RAPGEF5: variants seen among roughly 807,000 people sequenced by gnomAD.
RAPGEF5 encodes M-Ras-regulated GEF.
In RAPGEF5, 65 loss-of-function variants were observed where a neutral mutation model predicts 125.2. The observed-to-expected ratio is 0.52, with a 90% CI of 0.43 to 0.64. The LOEUF is 0.64. Ranked by LOEUF, RAPGEF5 falls within the 30% of genes least tolerant of loss-of-function variation. The probability of loss-of-function intolerance (pLI) is 0.00; values close to 1 mark genes in which losing one functional copy is unlikely to be tolerated. For synonymous variants in RAPGEF5, 391 were observed against 385.9 expected (o/e 1.01, Z -0.16); for missense variants, 958 against 1,048.1 (o/e 0.91, Z 1.19).
At chr7:22,201,057 T>C (rs991239505) in intron 9 of RAPGEF5, among the ~76,000 whole-genome samples, 1 of 151,938 alleles carries the variant, frequency 6.6e-6, no homozygotes, top group African/African-American at 2.4e-5. Context: ...TGAGCAAAAA[T>C]GGTGAGAGAT....
intron 2 of RAPGEF5, 95 bp from the exon 3 acceptor site, chr7:22,315,571 A>T (rs1783572497): frequency 3.2e-6 from 2 of 618,424 alleles, no homozygotes; most frequent in Non-Finnish European, 4.1e-6. Context: ...ATATATATTT[A>T]TATATATTCA....
chr7:22,184,354 TC>T (rs1235834641), intron 11 of RAPGEF5, among the ~76,000 whole-genome samples: 1 of 152,222 alleles, frequency 6.6e-6, no homozygotes, highest in Non-Finnish European at 1.5e-5. Flanking sequence ...AATAAACTAC[TC>T]TACATTTTTC....
Position 22,150,389 on chromosome 7 carries a change from A to G in RAPGEF5, c.1884+18T>C, listed in dbSNP as rs1245866902. On this transcript the variant is annotated intron_variant, in intron 18 of 25. Coordinates refer to ENST00000665637, the MANE Select transcript of RAPGEF5 (RefSeq NM_012294.5). ...CGCCTGGCCTGTTTGTTTCAAATACAAGGCTGAAGGTCCTTACCAAAGTGT... is the reference window on the plus strand; with the variant it reads ...CGCCTGGCCTGTTTGTTTCAAATACGAGGCTGAAGGTCCTTACCAAAGTGT... 2 of 1,597,908 alleles carry G rather than the reference A, an allele frequency of 1.3e-6. No homozygotes were observed. The highest frequency in any genetic ancestry group is 1.7e-6 in the Non-Finnish European group (2 of 1,174,284).
chr7:22,240,922 C>T (rs534138513), intron 7 of RAPGEF5, among the ~76,000 whole-genome samples: 3 of 152,230 alleles, frequency 2.0e-5, no homozygotes, highest in East Asian at 1.9e-4. Context: ...TGTGTCAGTA[C>T]AAAGCTCTGT....
chr7:22,316,460 C>CATAT (rs757768702), intron 2 of RAPGEF5, among the ~76,000 whole-genome samples: 12 of 92,724 alleles, frequency 1.3e-4, no homozygotes, highest in African/African-American at 2.3e-4. Context: ...TATACATAGA[C>CATAT]ATATATATAT....
At chr7:22,285,019 G>A (rs932792898) in intron 6 of RAPGEF5, among the ~76,000 whole-genome samples, 1 of 152,054 alleles carries the variant, frequency 6.6e-6, no homozygotes, top group Non-Finnish European at 1.5e-5. Flanking sequence ...TCTTAGTTTA[G>A]CCTAGCCTGC....
rs1171178667 is a variant in RAPGEF5, at chr7:22,350,108, A to G, written c.231+6722T>C. Among the ~76,000 whole-genome samples the G allele has an allele frequency of 2.0e-5, 3 of 152,346 alleles. No individual in the cohort carries two copies. In the East Asian group the frequency reaches 5.8e-4, roughly 29 times the overall value. ...AAGTACTTCCAGATCATATATCATT[A>G]CTGGAATTATCTATACTCCTAACAA... is the stretch of plus-strand genomic sequence containing the variant. On this transcript the variant is annotated intron_variant, in intron 1 of 25. Transcript: ENST00000665637.
At position 22,121,138 on chromosome 7, in the gene RAPGEF5, TC is replaced by T. The variant is rs2128095379; in HGVS notation, c.*1267del. On this transcript the variant is annotated 3_prime_UTR_variant, in exon 26 of 26. Coordinates refer to ENST00000665637, the MANE Select transcript of RAPGEF5 (RefSeq NM_012294.5). Reference sequence around the variant, plus strand: ...AGGTTGAAAGAAATCCTCTAACCAGTCCTTGAAAATATCAAGAGGTCTTATT... The same window carrying T: ...AGGTTGAAAGAAATCCTCTAACCAGTCTTGAAAATATCAAGAGGTCTTATT... The T allele has an allele frequency of 6.6e-6, 1 of 150,658 alleles. No individual in the cohort carries two copies. The highest frequency in any genetic ancestry group is 2.0e-4 in the East Asian group (1 of 5,098). The allele number at this position is 150,658 out of a possible 1,614,324, so 9.3% of individuals were successfully genotyped here.
chr7:22,254,017 T>C (rs960009955), intron 7 of RAPGEF5, among the ~76,000 whole-genome samples: 4 of 152,224 alleles, frequency 2.6e-5, no homozygotes, highest in African/African-American at 9.6e-5. Context: ...TTATTTATAC[T>C]GTTAAAAATA....
intron 1 of RAPGEF5, among the ~76,000 whole-genome samples, chr7:22,326,695 A>T (rs1414254525): frequency 6.6e-6 from 1 of 152,240 alleles, no homozygotes; most frequent in East Asian, 1.9e-4. Flanking sequence ...CATAAAAGCA[A>T]GAAATGGTAG....
chr7:22,140,618 C>T (rs559985712), intron 20 of RAPGEF5, among the ~76,000 whole-genome samples: 62 of 152,198 alleles, frequency 4.1e-4, no homozygotes, highest in African/African-American at 1.4e-3. Flanking sequence ...ATTTTAAATA[C>T]GGCATATATT....
chr7:22,272,379 A>T, intron 6 of RAPGEF5, among the ~76,000 whole-genome samples: 1 of 149,554 alleles, frequency 6.7e-6, no homozygotes, highest in Non-Finnish European at 1.5e-5. Flanking sequence ...AAAAAAAAGA[A>T]AAAAAAATCA....
In RAPGEF5 at chr7:22,350,266, A is replaced by C. The variant is rs138684045; in HGVS notation, c.231+6564T>G. Among the ~76,000 whole-genome samples the C allele has an allele frequency of 7.2e-5, 11 of 152,352 alleles. No homozygotes were observed. The East Asian group carries it at 2.1e-3, about 29-fold the overall frequency. Reference sequence around the variant, plus strand: ...TTACTGCCACATCAACTTAAGAGAAAGTGCAAGTATGAAATGAAGCCTATT... The same window carrying C: ...TTACTGCCACATCAACTTAAGAGAACGTGCAAGTATGAAATGAAGCCTATT... On this transcript the variant is annotated intron_variant, in intron 1 of 25. Transcript: ENST00000665637.
At chr7:22,136,821 G>T (rs1783092458) in intron 22 of RAPGEF5, 112 bp downstream of exon 22, 11 of 940,264 alleles carry the variant, frequency 1.2e-5, no homozygotes, top group Non-Finnish European at 1.6e-5. Flanking sequence ...AAGTAAACTA[G>T]TCTAGGCTAC....
intron 6 of RAPGEF5, among the ~76,000 whole-genome samples, chr7:22,273,448 G>A (rs555751016): frequency 1.3e-5 from 2 of 151,294 alleles, no homozygotes; most frequent in Admixed American, 6.6e-5. Context: ...TCGATCTCCT[G>A]ACCTTGTGAT....
intron 11 of RAPGEF5, among the ~76,000 whole-genome samples, chr7:22,178,335 CT>C (rs1784573112): frequency 6.6e-6 from 1 of 152,174 alleles, no homozygotes; most frequent in Non-Finnish European, 1.5e-5. Flanking sequence ...AACACATCAA[CT>C]GAGTTTCCTA....
intron 11 of RAPGEF5, among the ~76,000 whole-genome samples, chr7:22,170,168 C>T (rs1436445265): frequency 6.6e-6 from 1 of 152,118 alleles, no homozygotes; most frequent in East Asian, 1.9e-4. Context: ...GATTCTTGTG[C>T]CTCAGCCTCC....
At chr7:22,347,553 T>C (rs10253231) in intron 1 of RAPGEF5, among the ~76,000 whole-genome samples, 29,947 of 152,028 alleles carry the variant, frequency 0.2, 3,036 homozygotes, top group Non-Finnish European at 0.21. Flanking sequence ...ATTTTGAAAG[T>C]GTCAAAATGA....
At chr7:22,346,993 G>A (rs1052430711) in intron 1 of RAPGEF5, among the ~76,000 whole-genome samples, 1 of 152,014 alleles carries the variant, frequency 6.6e-6, no homozygotes, top group Non-Finnish European at 1.5e-5. Flanking sequence ...ATGTCATTTA[G>A]TTATATTCAT....
Sources: allele counts gnomAD v4.1 joint callset (sites outside exome capture counted in the v4.1 genomes callset), GRCh38; gene constraint gnomAD v4.1.1; transcripts MANE v1.5; gene names NCBI Gene and HGNC (gene_info 2026-07-23, HGNC 2026-07-21).